RXFP1: variants seen among roughly 807,000 people sequenced by gnomAD.
RXFP1 encodes the protein relaxin family peptide receptor 1, also known as relaxin receptor 1.
RXFP1 carries 73 observed loss-of-function variants against 89.8 expected under a neutral mutation model. That is an observed-to-expected ratio of 0.81 (90% CI 0.67 to 0.99). The LOEUF (loss-of-function observed/expected upper bound fraction) is 0.99. Ranked by LOEUF, RXFP1 falls within the 50% of genes least tolerant of loss-of-function variation. The pLI is 0.00. For synonymous variants in RXFP1, 277 were observed against 305.5 expected (o/e 0.91, Z 0.97); for missense variants, 793 against 895.5 (o/e 0.89, Z 1.46).
chr4:158,605,707 C>G (rs1455325840), intron 5 of RXFP1, among the ~76,000 whole-genome samples: 2 of 152,126 alleles, frequency 1.3e-5, no homozygotes. Flanking sequence ...CTCTCAAAAT[C>G]CATACTGGCC....
chr4:158,554,688 T>C (rs1358587213), intron 1 of RXFP1, among the ~76,000 whole-genome samples: 1 of 152,102 alleles, frequency 6.6e-6, no homozygotes, highest in Non-Finnish European at 1.5e-5. Flanking sequence ...GCAAATTATT[T>C]ACACACTTTT....
At position 158,524,295 on chromosome 4, in the gene RXFP1, A is replaced by G. The variant is rs192292318; in HGVS notation, c.49+2270A>G. On this transcript the variant is annotated intron_variant, in intron 1 of 17. Coordinates refer to ENST00000307765, the MANE Select transcript of RXFP1 (RefSeq NM_021634.4). Reference sequence around the variant, plus strand: ...AATTCTCAGTAGCCATAATGTGTATAAATGGGCTTTGAAAACTATAAAGCC... The same window carrying G: ...AATTCTCAGTAGCCATAATGTGTATGAATGGGCTTTGAAAACTATAAAGCC... 5.3e-5 allele frequency among the ~76,000 whole-genome samples: 8 copies of G among 152,342 alleles called. No individual in the cohort carries two copies. In the East Asian group the frequency reaches 1.5e-3, roughly 29 times the overall value.
At chr4:158,593,638 G>T (rs180818779) in intron 3 of RXFP1, 139 bp downstream of exon 3, 1 of 536,408 alleles carries the variant, frequency 1.9e-6, no homozygotes, top group Admixed American at 3.6e-5. Context: ...AAATTCGTAA[G>T]AGGTCAATTA....
chr4:158,533,833 C>T (rs1217596693), intron 1 of RXFP1, among the ~76,000 whole-genome samples: 2 of 152,040 alleles, frequency 1.3e-5, no homozygotes, highest in Non-Finnish European at 2.9e-5. Flanking sequence ...TATTTTTAAT[C>T]TCTTTTCCCT....
At chr4:158,641,192 A>G (rs1465092882) in intron 14 of RXFP1, among the ~76,000 whole-genome samples, 1 of 152,232 alleles carries the variant, frequency 6.6e-6, no homozygotes, top group South Asian at 2.1e-4. Flanking sequence ...ACTAAATTAA[A>G]CAGAACAGAA....
chr4:158,569,830 AT>A (rs1398431577), intron 1 of RXFP1, among the ~76,000 whole-genome samples: 1 of 152,204 alleles, frequency 6.6e-6, no homozygotes, highest in African/African-American at 2.4e-5. Flanking sequence ...TGGGGATAAG[AT>A]TAAAGCATTC....
At chr4:158,618,075 G>A (rs1390405466) in intron 9 of RXFP1, among the ~76,000 whole-genome samples, 1 of 152,078 alleles carries the variant, frequency 6.6e-6, no homozygotes, top group African/African-American at 2.4e-5. Flanking sequence ...ATTCTGAAAA[G>A]TTACTAAGTC....
chr4:158,613,232 G>A (rs1359381978), intron 8 of RXFP1, among the ~76,000 whole-genome samples: 1 of 152,202 alleles, frequency 6.6e-6, no homozygotes, highest in Non-Finnish European at 1.5e-5. Flanking sequence ...GTTGACAGCT[G>A]CTGACTAACC....
At chr4:158,558,958 T>C (rs1253387006) in intron 1 of RXFP1, among the ~76,000 whole-genome samples, 1 of 152,192 alleles carries the variant, frequency 6.6e-6, no homozygotes, top group African/African-American at 2.4e-5. Flanking sequence ...TCAACAGATT[T>C]TGAAATCTCA....
intron 1 of RXFP1, among the ~76,000 whole-genome samples, chr4:158,557,867 G>T (rs1054456603): frequency 1.3e-5 from 2 of 152,150 alleles, no homozygotes; most frequent in Admixed American, 1.3e-4. Context: ...GCTCCAGTAG[G>T]TGTTTCAATT....
chr4:158,611,146 A>G (rs929462167), intron 6 of RXFP1, among the ~76,000 whole-genome samples: 2 of 152,240 alleles, frequency 1.3e-5, no homozygotes, highest in African/African-American at 4.8e-5. Flanking sequence ...CATAGGAAGT[A>G]GATCCTGATA....
chr4:158,633,534 T>G, intron 12 of RXFP1, 58 bp downstream of exon 12: 1 of 1,094,202 alleles, frequency 9.1e-7, no homozygotes, highest in South Asian at 1.4e-5. Flanking sequence ...TTTTAAATTG[T>G]AAAATATGCA....
At chr4:158,543,486 A>G (rs1747362333) in intron 1 of RXFP1, among the ~76,000 whole-genome samples, 1 of 152,154 alleles carries the variant, frequency 6.6e-6, no homozygotes, top group South Asian at 2.1e-4. Context: ...AGCCAGAAAC[A>G]GGAGTCACCT....
intron 2 of RXFP1, among the ~76,000 whole-genome samples, chr4:158,577,284 G>A (rs1756449816): frequency 6.6e-6 from 1 of 152,232 alleles, no homozygotes; most frequent in Non-Finnish European, 1.5e-5. Context: ...TGATCCACCA[G>A]CCTCGGCCTC....
chr4:158,640,754 AG>A (rs1770221726), intron 14 of RXFP1, among the ~76,000 whole-genome samples: 1 of 152,222 alleles, frequency 6.6e-6, no homozygotes, highest in African/African-American at 2.4e-5. Context: ...TACCAGATGA[AG>A]AGGAAGGAAT....
intron 1 of RXFP1, among the ~76,000 whole-genome samples, chr4:158,545,905 T>C (rs1188125194): frequency 2.6e-5 from 4 of 152,222 alleles, no homozygotes; most frequent in African/African-American, 9.6e-5. Flanking sequence ...CTTTGTTCTT[T>C]TGGCTTAGGA....
At chr4:158,633,508 T>G in intron 12 of RXFP1, 32 bp downstream of exon 12, 2 of 1,350,848 alleles carry the variant, frequency 1.5e-6, no homozygotes, top group South Asian at 2.6e-5. Flanking sequence ...CCACCTCGTT[T>G]CTTTATTTTA....
intron 3 of RXFP1, among the ~76,000 whole-genome samples, chr4:158,595,777 ATT>A (rs770019955): frequency 6.6e-6 from 1 of 152,214 alleles, no homozygotes; most frequent in Non-Finnish European, 1.5e-5. Flanking sequence ...CTCTTGTGAG[ATT>A]CACAGGGTAC....
At chr4:158,632,461 A>G (rs763709110) in intron 11 of RXFP1, among the ~76,000 whole-genome samples, 2 of 152,190 alleles carry the variant, frequency 1.3e-5, no homozygotes, top group Admixed American at 6.5e-5. Context: ...ACTTTCCCTT[A>G]GTATCTCTTG....
Sources: gnomAD v4.1 joint callset for allele counts (sites outside exome capture counted in the v4.1 genomes callset) on GRCh38, gnomAD v4.1.1 for gene constraint, MANE v1.5 for transcripts, NCBI Gene and HGNC (gene_info 2026-07-23, HGNC 2026-07-21) for gene names.